Variants in LPO observed in about 807,000 individuals in gnomAD.
The protein encoded by LPO is salivary peroxidase.
In LPO, 70 loss-of-function variants were observed where a neutral mutation model predicts 68.4. That is an observed-to-expected ratio of 1.02 (90% CI 0.84 to 1.25). LPO has a LOEUF of 1.25. Ranked by LOEUF, LPO falls within the 50% of genes most tolerant of loss-of-function variation. LPO has a pLI of 0.00. For synonymous variants in LPO, 360 were observed against 357.6 expected (o/e 1.01, Z -0.08); for missense variants, 873 against 908.4 (o/e 0.96, Z 0.50).
At chr17:58,250,874 A>T in intron 7 of LPO, 1 of 505,430 alleles carries the variant, frequency 2.0e-6, no homozygotes, top group Non-Finnish European at 3.6e-6. Flanking sequence ...TCAAGAACAA[A>T]GGGCCAGTGT....
intron 2 of LPO, chr17:58,243,340 C>T (rs969004606): frequency 1.8e-5 from 7 of 383,582 alleles, no homozygotes; most frequent in Non-Finnish European, 2.9e-5. Flanking sequence ...GGTGTCCTCT[C>T]CTCTTCTCAT....
chr17:58,267,634 G>T (rs774153883), intron 12 of LPO, 48 bp downstream of exon 12: 1 of 1,541,996 alleles, frequency 6.5e-7, no homozygotes, highest in Admixed American at 1.8e-5. Flanking sequence ...CCTTCTCCAA[G>T]AGGGGTGTCC....
Position 58,239,052 on chromosome 17 carries a change from G to A in LPO, c.-3+313G>A, listed in dbSNP as rs561481552. 9.2e-5 allele frequency among the ~76,000 whole-genome samples: 14 copies of A among 152,198 alleles called. No homozygotes were observed. The South Asian group carries it at 2.9e-3, about 32-fold the overall frequency. On this transcript the variant is annotated intron_variant, in intron 1 of 12. Transcript: ENST00000262290. Reference sequence around the variant, plus strand: ...ACCTTGTTTAGGAACTGAGACTTAAGCAATTTAATGTGTCCAGAGTCACAC... The same window carrying A: ...ACCTTGTTTAGGAACTGAGACTTAAACAATTTAATGTGTCCAGAGTCACAC...
Position 58,252,167 on chromosome 17 carries a change from C to T in LPO, c.781-15C>T. 7 of 1,610,974 alleles carry T rather than the reference C, an allele frequency of 4.3e-6. No homozygotes were observed. Among genetic ancestry groups the T allele is most frequent in the African/African-American group, 1.3e-5 (1 of 74,950 alleles). ...TCCACCCCTGCCCAGTCACTTATGC[C>T]CACTCTCTCTGCAGTTCCCACCCAA... On this transcript the variant is annotated splice_polypyrimidine_tract_variant and intron_variant, in intron 7 of 12. Coordinates refer to ENST00000262290, the MANE Select transcript of LPO (RefSeq NM_006151.3).
chr17:58,249,300 C>A, intron 5 of LPO, 123 bp downstream of exon 5: 1 of 884,426 alleles, frequency 1.1e-6, no homozygotes, highest in Non-Finnish European at 1.7e-6. Flanking sequence ...GGCTGGCGTT[C>A]CCACCTTCCC....
intron 3 of LPO, among the ~76,000 whole-genome samples, chr17:58,245,740 GGT>G: frequency 6.6e-6 from 1 of 152,152 alleles, no homozygotes; most frequent in Admixed American, 6.5e-5. Flanking sequence ...GGAGCCCCAT[GGT>G]GTTGGGAGGG....
chr17:58,261,733 T>G (rs1970178829), intron 9 of LPO, among the ~76,000 whole-genome samples: 1 of 152,212 alleles, frequency 6.6e-6, no homozygotes, highest in African/African-American at 2.4e-5. Context: ...TGCCTTCCTG[T>G]GGGTTAATTG....
At chr17:58,255,959 G>A (rs1970062462) in intron 9 of LPO, among the ~76,000 whole-genome samples, 1 of 151,950 alleles carries the variant, frequency 6.6e-6, no homozygotes, top group Admixed American at 6.5e-5. Flanking sequence ...ACTCTTAACC[G>A]TACTGTCCCC....
chr17:58,257,647 G>T (rs1020744357), intron 9 of LPO, among the ~76,000 whole-genome samples: 2 of 152,182 alleles, frequency 1.3e-5, no homozygotes, highest in Admixed American at 6.5e-5. Context: ...TTTCTTTTGG[G>T]TATACACCCA....
rs8178332 is a variant in LPO, at chr17:58,249,665, G to A, written c.543G>A (p.Gly181=). 1.6e-4 allele frequency: 261 copies of A among 1,585,194 alleles called. No individual in the cohort carries two copies. The African/African-American group carries it at 2.9e-3, about 18-fold the overall frequency. The change falls in exon 6 of 13, where the codon GGG becomes GGA. Residue 181 remains glycine (G), a synonymous_variant. Transcript: ENST00000262290. The part of the protein sequence containing the change: ...GLSLPFGWTP[G]KTRNGFPLPL... ...CCCTGCCCTTCGGCTGGACGCCGGG[G>A]AAGACGCGCAACGGCTTCCCTCTCC...
At chr17:58,254,132 G>GAT (rs1318341859) in intron 8 of LPO, among the ~76,000 whole-genome samples, 1 of 124,290 alleles carries the variant, frequency 8.0e-6, no homozygotes, top group African/African-American at 3.1e-5. Context: ...GATGATGATA[G>GAT]ATATATAGAT....
intron 9 of LPO, 114 bp from the exon 10 acceptor site, chr17:58,264,608 C>T (rs1567823455): frequency 1.9e-6 from 2 of 1,050,064 alleles, no homozygotes. Flanking sequence ...TATCCATTTG[C>T]CATCCTTGGT....
intron 7 of LPO, chr17:58,251,719 A>C (rs921733002): frequency 8.2e-6 from 3 of 366,642 alleles, no homozygotes; most frequent in South Asian, 4.1e-5. Context: ...TCTGAGCCCC[A>C]GTTTTCTCAT....
chr17:58,254,130 TAGATATATA>T (rs1368074203), intron 8 of LPO, among the ~76,000 whole-genome samples: 1 of 94,628 alleles, frequency 1.1e-5, no homozygotes, highest in Non-Finnish European at 2.2e-5. Context: ...TAGATGATGA[TAGATATATA>T]GATATATAGA....
At chr17:58,247,359 A>T (rs994274828) in intron 3 of LPO, 119 bp from the exon 4 acceptor site, 22 of 787,650 alleles carry the variant, frequency 2.8e-5, no homozygotes, top group Non-Finnish European at 4.2e-5. Context: ...ACTGTATTGG[A>T]CAGTGCAGCA....
At chr17:58,243,231 T>G (rs949822871) in intron 2 of LPO, 176 bp downstream of exon 2, 3 of 582,498 alleles carry the variant, frequency 5.2e-6, no homozygotes, top group Non-Finnish European at 6.0e-6. Context: ...CTTCCTTTCT[T>G]CTTCCAGCTT....
At chr17:58,260,459 C>T (rs1024430029) in intron 9 of LPO, among the ~76,000 whole-genome samples, 2 of 152,164 alleles carry the variant, frequency 1.3e-5, no homozygotes, top group Non-Finnish European at 2.9e-5. Flanking sequence ...AAGCAGGCAT[C>T]CTTGTCTTCC....
chr17:58,259,952 A>G (rs1347973227), intron 9 of LPO, among the ~76,000 whole-genome samples: 1 of 152,154 alleles, frequency 6.6e-6, no homozygotes, highest in Non-Finnish European at 1.5e-5. Flanking sequence ...AGTAGCTGGG[A>G]TTACAGGCGC....
Position 58,268,255 on chromosome 17 carries a change from A to G in LPO, c.*261A>G. On this transcript the variant is annotated 3_prime_UTR_variant, in exon 13 of 13. Transcript: ENST00000262290. ...ATGCCCTTCTGCTCCAGCTTGCTGGATGTTACCTGTCCTCTTCCCTCCACA... is the reference window on the plus strand; with the variant it reads ...ATGCCCTTCTGCTCCAGCTTGCTGGGTGTTACCTGTCCTCTTCCCTCCACA... 1 of 505,248 alleles carries G rather than the reference A, an allele frequency of 2.0e-6. No individual in the cohort carries two copies. Among genetic ancestry groups the G allele is most frequent in the East Asian group, 3.7e-5 (1 of 27,344 alleles). The allele number at this position is 505,248 out of a possible 1,614,324, so 31.3% of individuals were successfully genotyped here.
Sources: gnomAD v4.1 joint callset for allele counts (sites outside exome capture counted in the v4.1 genomes callset) on GRCh38, gnomAD v4.1.1 for gene constraint, MANE v1.5 for transcripts, NCBI Gene and HGNC (gene_info 2026-07-23, HGNC 2026-07-21) for gene names.